PTPRB: variants seen among roughly 807,000 people sequenced by gnomAD.
PTPRB encodes the protein receptor-type tyrosine-protein phosphatase beta.
In PTPRB, 97 loss-of-function variants were observed where a neutral mutation model predicts 238.1. The observed-to-expected ratio is 0.41, with a 90% CI of 0.35 to 0.48. The LOEUF is 0.48. PTPRB is among the 20% of genes least tolerant of loss of function. The pLI, the probability that PTPRB is intolerant of heterozygous loss-of-function variation, is 0.30. For missense variants in PTPRB, 2,292 were observed against 2,681.9 expected, an observed-to-expected ratio of 0.85 and a Z score of 3.21; for synonymous variants, 970 against 995.4, an observed-to-expected ratio of 0.97 and a Z score of 0.48.
chr12:70,591,437 T>G lies in PTPRB; in HGVS notation c.1780+845A>C, dbSNP rs1184094634. On this transcript the variant is annotated intron_variant, in intron 7 of 33. Transcript: ENST00000334414. ...TGACCTCTTTGAATTATCTGTATAA[T>G]GGTAATAAATAACAAGACATCTCTC... Among the ~76,000 whole-genome samples, 5 of 149,660 alleles carry G rather than the reference T, an allele frequency of 3.3e-5. No individual in the cohort carries two copies. The East Asian group carries it at 7.7e-4, about 23-fold the overall frequency.
intron 21 of PTPRB, among the ~76,000 whole-genome samples, chr12:70,551,347 C>G (rs1406187716): frequency 6.6e-6 from 1 of 152,162 alleles, no homozygotes; most frequent in Non-Finnish European, 1.5e-5. Context: ...TTTGTTTAAT[C>G]TGGAGGTGCT....
At chr12:70,527,248 A>G (rs1872572668) in intron 32 of PTPRB, among the ~76,000 whole-genome samples, 1 of 152,212 alleles carries the variant, frequency 6.6e-6, no homozygotes, top group Non-Finnish European at 1.5e-5. Context: ...ATTGTGTATA[A>G]GGTTTCATAC....
At position 70,616,854 on chromosome 12, in the gene PTPRB, G is replaced by GTGT. The variant is rs970182874; in HGVS notation, c.708+5535_708+5536insACA. Among the ~76,000 whole-genome samples the GTGT allele has an allele frequency of 2.6e-3, 391 of 152,306 alleles. 6 individuals are homozygous for GTGT. The highest frequency in any genetic ancestry group is 1.5e-3 in the Non-Finnish European group (102 of 68,026). ...TCATGGTTGTATTTTATGTGCATAT[G>GTGT]ATTATACAGTCATCCCTCAGTATGG... On this transcript the variant is annotated intron_variant, in intron 3 of 33. Coordinates refer to ENST00000334414, the MANE Select transcript of PTPRB (RefSeq NM_001109754.4).
chr12:70,535,841 G>A (rs1301610857), intron 29 of PTPRB, among the ~76,000 whole-genome samples, 184 bp downstream of exon 29: 1 of 152,182 alleles, frequency 6.6e-6, no homozygotes, highest in Non-Finnish European at 1.5e-5. Context: ...TTCAGACCCA[G>A]AATCAGAATC....
chr12:70,588,463 A>G lies in PTPRB; in HGVS notation c.2051-1196T>C, dbSNP rs142818857. Among the ~76,000 whole-genome samples, 1,022 of 151,630 alleles carry G rather than the reference A, an allele frequency of 6.7e-3. 7 individuals carry two copies. Among genetic ancestry groups the G allele is most frequent in the African/African-American group, 0.023 (956 of 41,372 alleles). On this transcript the variant is annotated intron_variant, in intron 8 of 33. Transcript: ENST00000334414. Reference sequence around the variant, plus strand: ...AGCCTGGCCAATATGGTGAAACCCCATCTCTACTAAAAATGCAAAATTAGC... The same window carrying G: ...AGCCTGGCCAATATGGTGAAACCCCGTCTCTACTAAAAATGCAAAATTAGC...
chr12:70,610,742 T>A (rs1441323325), intron 3 of PTPRB, among the ~76,000 whole-genome samples: 1 of 152,178 alleles, frequency 6.6e-6, no homozygotes, highest in Non-Finnish European at 1.5e-5. Flanking sequence ...ACAAATATAA[T>A]CACTACCAAG....
At chr12:70,556,218 T>G (rs1020995081) in intron 18 of PTPRB, 70 bp from the exon 19 acceptor site, 2 of 1,356,212 alleles carry the variant, frequency 1.5e-6, no homozygotes, top group Non-Finnish European at 2.0e-6. Context: ...CTCCTTTGGG[T>G]CCAACTAGCT....
At chr12:70,522,787 T>C (rs968243499) in intron 33 of PTPRB, among the ~76,000 whole-genome samples, 1 of 152,092 alleles carries the variant, frequency 6.6e-6, no homozygotes, top group Non-Finnish European at 1.5e-5. Context: ...TATGCGTTGT[T>C]TTTGTTTTAC....
At position 70,636,379 on chromosome 12, in the gene PTPRB, C is replaced by T. The variant is rs187987534; in HGVS notation, c.56-313G>A. 4.6e-5 allele frequency among the ~76,000 whole-genome samples: 7 copies of T among 151,728 alleles called. No individual in the cohort carries two copies. In the East Asian group the frequency reaches 1.4e-3, roughly 29 times the overall value. On this transcript the variant is annotated intron_variant, in intron 1 of 33. Transcript: ENST00000334414. ...GAAGCTTGGAAAGAAACAAAACCAT[C>T]CAAAGTATATAGTATATTTTAGCCC...
intron 20 of PTPRB, among the ~76,000 whole-genome samples, chr12:70,553,703 T>C (rs555696626): frequency 6.6e-6 from 1 of 152,332 alleles, no homozygotes; most frequent in East Asian, 1.9e-4. Flanking sequence ...TCAGATACTA[T>C]TTACAATGAG....
At chr12:70,629,081 T>G (rs1275201126) in intron 2 of PTPRB, among the ~76,000 whole-genome samples, 1 of 152,158 alleles carries the variant, frequency 6.6e-6, no homozygotes, top group African/African-American at 2.4e-5. Flanking sequence ...AAGAAGTGGT[T>G]AGTAATAATG....
intron 28 of PTPRB, among the ~76,000 whole-genome samples, chr12:70,536,887 T>C (rs891405895): frequency 3.3e-5 from 5 of 152,332 alleles, no homozygotes; most frequent in African/African-American, 1.2e-4. Flanking sequence ...TCTTTCTCTC[T>C]GCTGGGGGAT....
intron 33 of PTPRB, among the ~76,000 whole-genome samples, chr12:70,524,106 T>C (rs1871988199): frequency 6.6e-6 from 1 of 151,668 alleles, no homozygotes. Flanking sequence ...CTAGAATCTT[T>C]TCTTTCTTTC....
At chr12:70,609,781 T>G in intron 3 of PTPRB, 1 of 1,587,722 alleles carries the variant, frequency 6.3e-7, no homozygotes, top group Non-Finnish European at 8.6e-7. Flanking sequence ...CTCAGTGTGA[T>G]CCACAAGGCC....
chr12:70,619,500 C>T (rs866372402), intron 3 of PTPRB, among the ~76,000 whole-genome samples: 5 of 152,028 alleles, frequency 3.3e-5, no homozygotes, highest in South Asian at 2.1e-4. Context: ...AATAGAATAT[C>T]GCAGAAGTGA....
intron 14 of PTPRB, among the ~76,000 whole-genome samples, chr12:70,567,108 C>A (rs927461902): frequency 1.3e-5 from 2 of 152,076 alleles, no homozygotes; most frequent in African/African-American, 4.8e-5. Context: ...TAACTAAGGT[C>A]AAAACTTCAA....
At chr12:70,595,986 G>T in intron 5 of PTPRB, 63 bp downstream of exon 5, 1 of 1,360,956 alleles carries the variant, frequency 7.3e-7, no homozygotes. Context: ...CCTATTCCTT[G>T]AATAAAGTAT....
chr12:70,555,076 A>G (rs1398463148), intron 20 of PTPRB, 84 bp downstream of exon 20: 3 of 1,470,590 alleles, frequency 2.0e-6, no homozygotes, highest in Admixed American at 2.2e-5. Flanking sequence ...AAGTTTCTTA[A>G]ACTTTGTCAC....
At chr12:70,621,006 A>G (rs763473189) in intron 3 of PTPRB, among the ~76,000 whole-genome samples, 6 of 152,232 alleles carry the variant, frequency 3.9e-5, no homozygotes, top group Non-Finnish European at 7.3e-5. Context: ...CTAAATTTAA[A>G]CAAAATTTTT....
Sources: gnomAD v4.1 joint callset for allele counts (sites outside exome capture counted in the v4.1 genomes callset) on GRCh38, gnomAD v4.1.1 for gene constraint, MANE v1.5 for transcripts, NCBI Gene and HGNC (gene_info 2026-07-23, HGNC 2026-07-21) for gene names.